GPC5: variants seen among roughly 807,000 people sequenced by gnomAD.
The protein encoded by GPC5 is glypican 5.
A neutral mutation model predicts 53.9 loss-of-function variants in GPC5; 47 were observed. The observed-to-expected ratio is 0.87, with a 90% CI of 0.69 to 1.11. The LOEUF (loss-of-function observed/expected upper bound fraction) is 1.11, where lower values mean the gene tolerates loss of function less well. GPC5 is among the 50% of genes most tolerant of loss of function. The pLI, the probability that GPC5 is intolerant of heterozygous loss-of-function variation, is 0.00. For missense variants in GPC5, 748 were observed against 713.1 expected (o/e 1.05, Z -0.56); for synonymous variants, 286 against 263.3 (o/e 1.09, Z -0.84).
At chr13:92,693,758 TA>T (rs140167922) in intron 7 of GPC5, among the ~76,000 whole-genome samples, 7,809 of 152,012 alleles carry the variant, frequency 0.051, 559 homozygotes, top group East Asian at 0.31. Context: ...AGGTAGAAAA[TA>T]AAAACCCATT....
At chr13:92,547,067 A>C (rs1173450628) in intron 7 of GPC5, among the ~76,000 whole-genome samples, 1 of 152,198 alleles carries the variant, frequency 6.6e-6, no homozygotes, top group Non-Finnish European at 1.5e-5. Context: ...TAAAAACCCA[A>C]GAAATTTTAT....
chr13:92,664,215 A>G (rs1463093720), intron 7 of GPC5, among the ~76,000 whole-genome samples: 1 of 152,008 alleles, frequency 6.6e-6, no homozygotes, highest in Admixed American at 6.6e-5. Context: ...CAGAAATCAA[A>G]TACCATGGTG....
chr13:92,507,033 T>C (rs552850263), intron 7 of GPC5, among the ~76,000 whole-genome samples: 7 of 152,348 alleles, frequency 4.6e-5, no homozygotes, highest in Admixed American at 2.0e-4. Context: ...TGCATTTCCA[T>C]GTCTTCATGC....
At chr13:91,431,572 C>A (rs1391164602) in intron 1 of GPC5, among the ~76,000 whole-genome samples, 2 of 152,232 alleles carry the variant, frequency 1.3e-5, no homozygotes, top group African/African-American at 4.8e-5. Flanking sequence ...ATAAAACACT[C>A]TGACCACAAA....
chr13:92,531,207 A>T (rs1170790066), intron 7 of GPC5, among the ~76,000 whole-genome samples: 1 of 152,096 alleles, frequency 6.6e-6, no homozygotes, highest in East Asian at 1.9e-4. Context: ...GCCATCCATA[A>T]TCTCACTGAT....
At chr13:91,957,825 T>C (rs1449833482) in intron 6 of GPC5, among the ~76,000 whole-genome samples, 2 of 151,848 alleles carry the variant, frequency 1.3e-5, no homozygotes, top group African/African-American at 2.4e-5. Context: ...GAGGATGATA[T>C]CTACCATCAT....
chr13:91,763,245 A>G (rs1188866557), intron 5 of GPC5, among the ~76,000 whole-genome samples: 1 of 152,144 alleles, frequency 6.6e-6, no homozygotes, highest in African/African-American at 2.4e-5. Flanking sequence ...GTTACAATCT[A>G]TGCTGACTCT....
At chr13:92,195,299 G>A (rs1469651604) in intron 7 of GPC5, among the ~76,000 whole-genome samples, 4 of 152,078 alleles carry the variant, frequency 2.6e-5, no homozygotes, top group Admixed American at 6.6e-5. Context: ...CCTAATCAGC[G>A]TCTGGTATTA....
At chr13:92,368,173 T>TG (rs2043620988) in intron 7 of GPC5, among the ~76,000 whole-genome samples, 1 of 151,696 alleles carries the variant, frequency 6.6e-6, no homozygotes, top group Non-Finnish European at 1.5e-5. Context: ...TTGGTAGAGA[T>TG]GGGGTTTCAC....
chr13:92,048,458 T>G (rs1320339563), intron 6 of GPC5, among the ~76,000 whole-genome samples: 1 of 152,166 alleles, frequency 6.6e-6, no homozygotes, highest in Non-Finnish European at 1.5e-5. Context: ...AGTTTTATGG[T>G]GAGAACACAG....
intron 7 of GPC5, among the ~76,000 whole-genome samples, chr13:92,727,165 G>A (rs1274099268): frequency 2.6e-5 from 4 of 151,386 alleles, no homozygotes; most frequent in Non-Finnish European, 4.4e-5. Context: ...TGTCAACCAC[G>A]CTAAGATAAT....
intron 7 of GPC5, among the ~76,000 whole-genome samples, chr13:92,860,312 G>C (rs1309785528): frequency 6.6e-6 from 1 of 152,084 alleles, no homozygotes; most frequent in Non-Finnish European, 1.5e-5. Flanking sequence ...CTTCAGTTAC[G>C]AGTGTTGATG....
chr13:92,624,554 G>A (rs1884985452), intron 7 of GPC5, among the ~76,000 whole-genome samples: 1 of 152,168 alleles, frequency 6.6e-6, no homozygotes, highest in African/African-American at 2.4e-5. Flanking sequence ...ATTTATGAAT[G>A]ATGGCAGAAG....
chr13:91,586,668 C>T (rs775278618), intron 2 of GPC5, among the ~76,000 whole-genome samples: 3 of 143,080 alleles, frequency 2.1e-5, no homozygotes, highest in Admixed American at 7.0e-5. Flanking sequence ...GGGGGGACTG[C>T]CCCCATGATC....
chr13:92,153,426 C>T (rs1304703191), intron 7 of GPC5, among the ~76,000 whole-genome samples: 1 of 152,184 alleles, frequency 6.6e-6, no homozygotes. Context: ...GCATGAGCCA[C>T]CATACCCAGC....
chr13:91,650,657 C>A (rs1451586788), intron 2 of GPC5, among the ~76,000 whole-genome samples: 3 of 151,680 alleles, frequency 2.0e-5, no homozygotes, highest in African/African-American at 7.3e-5. Flanking sequence ...ACAATTTTAA[C>A]CTGTCCCAGT....
chr13:91,864,451 T>C (rs944665241), intron 5 of GPC5, among the ~76,000 whole-genome samples: 9 of 152,140 alleles, frequency 5.9e-5, no homozygotes, highest in African/African-American at 2.2e-4. Flanking sequence ...ATTGTGTGCT[T>C]TAGATGCAAT....
chr13:91,572,160 C>T (rs111379159), intron 2 of GPC5, among the ~76,000 whole-genome samples: 50,312 of 110,390 alleles, frequency 0.46, 13,579 homozygotes, highest in African/African-American at 0.75. Flanking sequence ...CGTGTGTATA[C>T]ACACACATAT....
chr13:91,720,919 CAGAT>C (rs953212665), intron 3 of GPC5, among the ~76,000 whole-genome samples: 4 of 152,136 alleles, frequency 2.6e-5, no homozygotes, highest in Non-Finnish European at 4.4e-5. Flanking sequence ...CAGATAGATC[CAGAT>C]AGATAGATCT....
Sources: gnomAD v4.1 joint callset for allele counts (sites outside exome capture counted in the v4.1 genomes callset) on GRCh38, gnomAD v4.1.1 for gene constraint, MANE v1.5 for transcripts, NCBI Gene and HGNC (gene_info 2026-07-23, HGNC 2026-07-21) for gene names.